Variants in RAD54B observed in about 807,000 individuals in gnomAD.
The protein encoded by RAD54B is RAD54 homolog B.
In RAD54B, 78 loss-of-function variants were observed where a neutral mutation model predicts 95.8. The observed-to-expected ratio is 0.81, with a 90% confidence interval of 0.68 to 0.98. RAD54B has a LOEUF of 0.98. RAD54B is among the 50% of genes least tolerant of loss of function. The pLI, the probability that RAD54B is intolerant of heterozygous loss-of-function variation, is 0.00. For missense variants in RAD54B, 957 were observed against 1,056.6 expected (o/e 0.91, Z 1.31); for synonymous variants, 328 against 354.9 (o/e 0.92, Z 0.85).
At chr8:94,380,513 A>C in intron 11 of RAD54B, 107 bp from the exon 12 acceptor site, 2 of 1,101,810 alleles carry the variant, frequency 1.8e-6, no homozygotes, top group Non-Finnish European at 2.6e-6. Flanking sequence ...TTGAGAGAAC[A>C]TGCAACAATG....
intron 3 of RAD54B, among the ~76,000 whole-genome samples, chr8:94,456,239 T>C (rs1812776237): frequency 6.6e-6 from 1 of 152,148 alleles, no homozygotes; most frequent in African/African-American, 2.4e-5. Context: ...AAACACGCAG[T>C]GTTATGAAGA....
intron 3 of RAD54B, chr8:94,432,739 A>G: frequency 1.5e-6 from 2 of 1,362,034 alleles, no homozygotes; most frequent in Non-Finnish European, 1.9e-6. Context: ...AATTTAATGT[A>G]CATTAAATGA....
chr8:94,453,588 T>C (rs1285872423), intron 3 of RAD54B, among the ~76,000 whole-genome samples: 3 of 152,174 alleles, frequency 2.0e-5, no homozygotes, highest in South Asian at 2.1e-4. Context: ...ATTTCAGTGA[T>C]ATACTGTTGC....
Position 94,391,850 on chromosome 8 carries a change from G to C in RAD54B, c.1568C>G (p.Thr523Ser). Reference protein sequence around the residue: ...ERRAAELTCLTGLFILRRTQE... With the variant: ...ERRAAELTCLSGLFILRRTQE... ...GGTTCTTCTAAGGATAAAGAGTCCAGTGAGGCAAGTAAGTTCAGCTGCTCT... is the reference window on the plus strand; with the variant it reads ...GGTTCTTCTAAGGATAAAGAGTCCACTGAGGCAAGTAAGTTCAGCTGCTCT... Residue 523 changes from threonine to serine, a missense_variant, in exon 10 of 15, where the codon ACT (threonine) becomes AGT (serine). Physicochemically the swap from Thr to Ser is moderately conservative, Grantham distance 58 (BLOSUM62 1). Coordinates refer to ENST00000336148, the MANE Select transcript of RAD54B (RefSeq NM_012415.3). The C allele has an allele frequency of 6.2e-7, 1 of 1,613,472 alleles. No homozygotes were observed. Among genetic ancestry groups the C allele is most frequent in the Non-Finnish European group, 8.5e-7 (1 of 1,179,866 alleles).
intron 3 of RAD54B, among the ~76,000 whole-genome samples, chr8:94,445,971 T>C (rs1812510836): frequency 6.6e-6 from 1 of 152,220 alleles, no homozygotes; most frequent in Non-Finnish European, 1.5e-5. Context: ...AAATTTTAAT[T>C]GTAGACTTGA....
chr8:94,436,889 G>C lies in RAD54B; in HGVS notation c.304+21379C>G, dbSNP rs1169301773. 3.4e-6 allele frequency: 5 copies of C among 1,490,304 alleles called. 1 individual carries two copies. Among genetic ancestry groups the C allele is most frequent in the African/African-American group, 2.8e-5 (2 of 70,802 alleles). The allele number at this position is 1,490,304 out of a possible 1,614,324, so 92.3% of individuals were successfully genotyped here. On this transcript the variant is annotated intron_variant, in intron 3 of 14. Coordinates refer to ENST00000336148, the MANE Select transcript of RAD54B (RefSeq NM_012415.3). ...ACCATTGTTCTTTTCAAATTAAGTA[G>C]GCAGTTTCTGAAACCACCATGCAGC...
At chr8:94,466,423 G>GGT (rs1813025924) in intron 2 of RAD54B, among the ~76,000 whole-genome samples, 3 of 149,742 alleles carry the variant, frequency 2.0e-5, no homozygotes, top group South Asian at 2.1e-4. Context: ...TTTTTTTTTG[G>GGT]GGGGGACGGA....
At chr8:94,450,522 A>C (rs1388826489) in intron 3 of RAD54B, among the ~76,000 whole-genome samples, 1 of 152,212 alleles carries the variant, frequency 6.6e-6, no homozygotes, top group Non-Finnish European at 1.5e-5. Context: ...AAACAAAAGA[A>C]GTTTTATCAT....
At chr8:94,430,537 A>G (rs752490774) in intron 3 of RAD54B, 1 of 795,906 alleles carries the variant, frequency 1.3e-6, no homozygotes, top group East Asian at 1.3e-4. Flanking sequence ...TGACACCCCC[A>G]GGGTTTCTAA....
At chr8:94,395,470 G>C (rs1258695442) in intron 8 of RAD54B, among the ~76,000 whole-genome samples, 1 of 152,166 alleles carries the variant, frequency 6.6e-6, no homozygotes, top group African/African-American at 2.4e-5. Context: ...CCCTAAATCA[G>C]TCAGTCGTTG....
intron 3 of RAD54B, among the ~76,000 whole-genome samples, chr8:94,449,057 C>T (rs1050330637): frequency 6.6e-6 from 1 of 151,804 alleles, no homozygotes; most frequent in Non-Finnish European, 1.5e-5. Context: ...TGCACACACA[C>T]ACACACACAC....
intron 3 of RAD54B, chr8:94,430,186 C>CT (rs1812053041): frequency 3.3e-6 from 2 of 605,324 alleles, no homozygotes; most frequent in African/African-American, 4.0e-5. Context: ...GGTGGTGCGC[C>CT]TGTAGTCCCA....
intron 8 of RAD54B, among the ~76,000 whole-genome samples, chr8:94,397,336 A>G (rs1811172160): frequency 6.6e-6 from 1 of 152,166 alleles, no homozygotes; most frequent in African/African-American, 2.4e-5. Context: ...AATTCTAAGA[A>G]TACAGAAACC....
At chr8:94,464,100 G>A (rs933339034) in intron 2 of RAD54B, among the ~76,000 whole-genome samples, 5 of 151,934 alleles carry the variant, frequency 3.3e-5, no homozygotes, top group South Asian at 4.2e-4. Context: ...GCAGAATAAC[G>A]GCTCCCAAAG....
At position 94,378,629 on chromosome 8, in the gene RAD54B, C is replaced by T. The variant is rs147396183; in HGVS notation, c.2253G>A (p.Met751Ile). ...TCTGACCATCTCTCCATACTCTAGA[C>T]ATTGCCTATAGAAAATAAGTGAGAA... is the stretch of plus-strand genomic sequence containing the variant. ...DWNPATDIQA[M>I]SRVWRDGQKY... The change falls in exon 13 of 15, where the codon ATG becomes ATA. Residue 751 changes from methionine to isoleucine, a missense_variant. Physicochemically the swap from Met to Ile is conservative, Grantham distance 10 (BLOSUM62 1). Coordinates refer to ENST00000336148, the MANE Select transcript of RAD54B (RefSeq NM_012415.3). 5 of 1,604,150 alleles carry T rather than the reference C, an allele frequency of 3.1e-6. No individual in the cohort carries two copies. The highest frequency in any genetic ancestry group is 4.3e-6 in the Non-Finnish European group (5 of 1,173,938).
At chr8:94,394,134 C>T (rs898384114) in intron 8 of RAD54B, among the ~76,000 whole-genome samples, 1 of 152,192 alleles carries the variant, frequency 6.6e-6, no homozygotes, top group African/African-American at 2.4e-5. Flanking sequence ...AGACTGAGTG[C>T]AGGCTCAGTG....
At chr8:94,382,969 G>A (rs941523195) in intron 11 of RAD54B, among the ~76,000 whole-genome samples, 1 of 152,116 alleles carries the variant, frequency 6.6e-6, no homozygotes, top group Non-Finnish European at 1.5e-5. Context: ...ATAGCAGTGT[G>A]AAAACGGACT....
Position 94,378,638 on chromosome 8 carries a change from T to C in RAD54B, c.2248-4A>G, listed in dbSNP as rs368086541. On this transcript the variant is annotated splice_region_variant and splice_polypyrimidine_tract_variant and intron_variant, in intron 12 of 14. Coordinates refer to ENST00000336148, the MANE Select transcript of RAD54B (RefSeq NM_012415.3). ...CTCTCCATACTCTAGACATTGCCTA[T>C]AGAAAATAAGTGAGAATTCTGAGAG... The C allele has an allele frequency of 4.4e-6, 7 of 1,595,298 alleles. No homozygotes were observed. In the African/African-American group the frequency reaches 8.1e-5, roughly 18 times the overall value.
chr8:94,428,363 C>G (rs1042380828), intron 3 of RAD54B: 2 of 972,552 alleles, frequency 2.1e-6, no homozygotes, highest in Non-Finnish European at 2.4e-6. Flanking sequence ...TATAGTCATC[C>G]CTCAGTATCC....
Sources: allele counts gnomAD v4.1 joint callset (sites outside exome capture counted in the v4.1 genomes callset), GRCh38; gene constraint gnomAD v4.1.1; transcripts MANE v1.5; gene names NCBI Gene and HGNC (gene_info 2026-07-23, HGNC 2026-07-21).